The following SLC24A4 variants were observed in gnomAD, a reference collection of about 807,000 sequenced individuals.
SLC24A4 encodes sodium/potassium/calcium exchanger 4.
Under a neutral mutation model 79.0 loss-of-function variants are expected in SLC24A4, and 53 were observed. That is an observed-to-expected ratio of 0.67 (90% CI 0.54 to 0.84). The LOEUF (loss-of-function observed/expected upper bound fraction) is 0.84. Among genes scored for constraint, SLC24A4 ranks in the 40% least tolerant of loss-of-function variants. The pLI is 0.00. For missense variants in SLC24A4, 731 were observed against 822.0 expected (o/e 0.89, Z 1.35); for synonymous variants, 323 against 323.8 (o/e 1.00, Z 0.03).
At chr14:92,339,557 G>A (rs1046243673) in intron 2 of SLC24A4, among the ~76,000 whole-genome samples, 3 of 152,224 alleles carry the variant, frequency 2.0e-5, no homozygotes, top group Non-Finnish European at 4.4e-5. Context: ...GCAGTGTGGG[G>A]ATCTGAACTT....
chr14:92,334,152 T>C (rs1312993754), intron 2 of SLC24A4, among the ~76,000 whole-genome samples: 2 of 152,224 alleles, frequency 1.3e-5, no homozygotes, highest in East Asian at 1.9e-4. Context: ...AAAGTCGTTA[T>C]GTAAAAGCAA....
intron 2 of SLC24A4, among the ~76,000 whole-genome samples, chr14:92,387,617 C>T (rs1889237601): frequency 6.6e-6 from 1 of 152,168 alleles, no homozygotes. Flanking sequence ...GCATTAAGTA[C>T]ATTCACATGG....
chr14:92,372,657 G>C (rs1278447028), intron 2 of SLC24A4, among the ~76,000 whole-genome samples: 4 of 152,140 alleles, frequency 2.6e-5, no homozygotes, highest in Admixed American at 6.5e-5. Context: ...AAATGTGCCT[G>C]CGTTTCCAGA....
intron 2 of SLC24A4, among the ~76,000 whole-genome samples, chr14:92,375,772 AAGC>A (rs1302313687): frequency 6.6e-6 from 1 of 152,222 alleles, no homozygotes; most frequent in Non-Finnish European, 1.5e-5. Flanking sequence ...CGCTGACAGA[AAGC>A]AGATTGGTGG....
At chr14:92,329,814 TTGTTTTTA>T (rs944382482) in intron 2 of SLC24A4, among the ~76,000 whole-genome samples, 1 of 152,256 alleles carries the variant, frequency 6.6e-6, no homozygotes, top group African/African-American at 2.4e-5. Flanking sequence ...CCTCCCTATG[TTGTTTTTA>T]TGTTTTTATG....
chr14:92,434,117 G>A, intron 3 of SLC24A4, 129 bp downstream of exon 3: 1 of 743,690 alleles, frequency 1.3e-6, no homozygotes, highest in Admixed American at 2.1e-5. Flanking sequence ...GCGGAGACTG[G>A]GCATGTTTTA....
At chr14:92,493,386 G>A (rs1895805736) in intron 16 of SLC24A4, 90 bp from the exon 17 acceptor site, 2 of 1,483,990 alleles carry the variant, frequency 1.3e-6, no homozygotes, top group South Asian at 2.5e-5. Flanking sequence ...GAATGTTCTA[G>A]GTTTCCCCAC....
rs762289562 is a variant in SLC24A4 at position 92,323,816 on chromosome 14, C to T, written c.-15C>T. 15 of 1,556,546 alleles carry T rather than the reference C, an allele frequency of 9.6e-6. No individual in the cohort carries two copies. In the African/African-American group the frequency reaches 1.7e-4, roughly 18 times the overall value. ...TCCCCATCCTCTCCCAGAGACGGCA[C>T]CCAGGCGCTCCGGGATGGCGCTCCG... On this transcript the variant is annotated 5_prime_UTR_variant, in exon 1 of 17. Coordinates refer to ENST00000532405, the MANE Select transcript of SLC24A4 (RefSeq NM_153646.4). The surrounding 1 kb of genome is among the most constrained non-coding windows in gnomAD (Gnocchi z 4.9).
Position 92,441,953 on chromosome 14 carries a change from G to A in SLC24A4, c.394-136G>A. On this transcript the variant is annotated intron_variant, in intron 4 of 16. Coordinates refer to ENST00000532405, the MANE Select transcript of SLC24A4 (RefSeq NM_153646.4). This position sits in a 1 kb window ranked among gnomAD's most constrained non-coding sequence, Gnocchi z 4.6. ...GAGGGCACACAGCATGTGCCCAGGG[G>A]TGAGAGGCTGCAGGCAGACGAGTTT... 1 of 629,494 alleles carries A rather than the reference G, an allele frequency of 1.6e-6. No individual in the cohort carries two copies. Among genetic ancestry groups the A allele is most frequent in the Non-Finnish European group, 2.8e-6 (1 of 351,924 alleles). 39.0% of individuals were successfully genotyped at this position (629,494 alleles called of 1,614,324 possible).
chr14:92,343,653 T>TTCCTTCCTTCCTTCC lies in SLC24A4; in HGVS notation c.241+17676_241+17677insCCTTCCTTCCTTCCT, dbSNP rs58733128. Among the ~76,000 whole-genome samples the TTCCTTCCTTCCTTCC allele has an allele frequency of 4.4e-4, 15 of 34,256 alleles. 1 individual carries two copies. Among genetic ancestry groups the TTCCTTCCTTCCTTCC allele is most frequent in the South Asian group, 1.4e-3 (1 of 724 alleles). 22.5% of individuals were successfully genotyped at this position (34,256 alleles called of 152,430 possible). A position where few individuals can be genotyped will look rare whatever the true frequency, so the allele number is the denominator to read the frequency against. On this transcript the variant is annotated intron_variant, in intron 2 of 16. Coordinates refer to ENST00000532405, the MANE Select transcript of SLC24A4 (RefSeq NM_153646.4). ...CTTTCTTTCTTTCTCTCTTTCCTTC[T>TTCCTTCCTTCCTTCC]TTCCTTCCTTCCTTCCTTCCTTCCT...
chr14:92,424,830 T>A (rs1041725555), intron 2 of SLC24A4, among the ~76,000 whole-genome samples: 1 of 152,072 alleles, frequency 6.6e-6, no homozygotes, highest in Non-Finnish European at 1.5e-5. Flanking sequence ...TGCAGAGAAC[T>A]ATGATTATGT....
intron 4 of SLC24A4, among the ~76,000 whole-genome samples, chr14:92,440,603 G>A (rs568414367): frequency 6.6e-6 from 1 of 152,084 alleles, no homozygotes; most frequent in South Asian, 2.1e-4. Flanking sequence ...TACAGTGTAG[G>A]GCCACATACA....
At chr14:92,486,509 GT>G (rs1254407077) in intron 13 of SLC24A4, among the ~76,000 whole-genome samples, 156 bp from the exon 14 acceptor site, 2 of 151,810 alleles carry the variant, frequency 1.3e-5, no homozygotes, top group African/African-American at 4.8e-5. Context: ...TTCAGTGGGG[GT>G]TTTTTTTGTT....
intron 16 of SLC24A4, chr14:92,492,955 C>T (rs903957031): frequency 2.4e-6 from 1 of 414,176 alleles, no homozygotes; most frequent in East Asian, 7.7e-5. Flanking sequence ...AACCCTCTAC[C>T]CCAAACACAC....
At chr14:92,345,246 G>A (rs1002971237) in intron 2 of SLC24A4, among the ~76,000 whole-genome samples, 1 of 152,214 alleles carries the variant, frequency 6.6e-6, no homozygotes, top group Non-Finnish European at 1.5e-5. Flanking sequence ...TGTAAGCTCT[G>A]AAGTTGGACT....
rs976045797 is a variant in SLC24A4, at chr14:92,441,127, G to A, written c.394-962G>A. On this transcript the variant is annotated intron_variant, in intron 4 of 16. Coordinates refer to ENST00000532405, the MANE Select transcript of SLC24A4 (RefSeq NM_153646.4). The surrounding 1 kb of genome is among the most constrained non-coding windows in gnomAD (Gnocchi z 4.6). ...CTGAGGACCCCTCTAAGGCTTAGCT[G>A]ACCAGTGGGTTCCTTGGTGGCCCCA... Among the ~76,000 whole-genome samples, 2 of 152,138 alleles carry A rather than the reference G, an allele frequency of 1.3e-5. No individual in the cohort carries two copies. The highest frequency in any genetic ancestry group is 4.8e-5 in the African/African-American group (2 of 41,418).
chr14:92,410,965 G>T (rs566300159), intron 2 of SLC24A4, among the ~76,000 whole-genome samples: 1 of 152,192 alleles, frequency 6.6e-6, no homozygotes, highest in African/African-American at 2.4e-5. Context: ...GCATATACCC[G>T]TGGGAAGTGT....
chr14:92,359,483 C>T (rs1322849171), intron 2 of SLC24A4, among the ~76,000 whole-genome samples: 1 of 151,844 alleles, frequency 6.6e-6, no homozygotes, highest in African/African-American at 2.4e-5. Context: ...CCTGTAATCC[C>T]AGCTACTCGG....
chr14:92,411,461 A>G (rs546552565), intron 2 of SLC24A4, among the ~76,000 whole-genome samples: 1 of 152,154 alleles, frequency 6.6e-6, no homozygotes, highest in East Asian at 1.9e-4. Flanking sequence ...TTTCCTAACC[A>G]TCTCTGAGAC....
Sources: allele counts gnomAD v4.1 joint callset (sites outside exome capture counted in the v4.1 genomes callset), GRCh38; gene constraint gnomAD v4.1.1; non-coding constraint Gnocchi (gnomAD v3.1); transcripts MANE v1.5; gene names NCBI Gene and HGNC (gene_info 2026-07-23, HGNC 2026-07-21).